The following ZNF12 variants were observed in gnomAD, a reference collection of about 807,000 sequenced individuals.
The protein encoded by ZNF12 is gonadotropin inducible transcription repressor 3.
In ZNF12, 34 loss-of-function variants were observed where a neutral mutation model predicts 66.6. The ratio of observed to expected loss-of-function variants is 0.51; its 90% CI spans 0.39 to 0.68. The LOEUF is 0.68. Ranked by LOEUF, ZNF12 falls within the 30% of genes least tolerant of loss-of-function variation. ZNF12 has a pLI of 0.00. For missense variants in ZNF12, 697 were observed against 826.9 expected (o/e 0.84, Z 1.93); for synonymous variants, 320 against 278.9 (o/e 1.15, Z -1.47).
At position 6,691,533 on chromosome 7, in the gene ZNF12, C is replaced by G; in HGVS notation, c.1409G>C (p.Cys470Ser). The G allele has an allele frequency of 6.2e-7, 1 of 1,614,126 alleles. No individual in the cohort carries two copies. The highest frequency in any genetic ancestry group is 8.5e-7 in the Non-Finnish European group (1 of 1,179,986). The part of the protein sequence containing the change: ...SGEKPYECNE[C>S]GKTFYLNSAL... ...TGAATTCAGGTAGAAGGTTTTTCCA[C>G]ATTCATTACATTCATAGGGTTTCTC... is the stretch of plus-strand genomic sequence containing the variant. The change falls in exon 5 of 5, where the codon TGT (cysteine) becomes TCT (serine). Residue 470 changes from cysteine (C) to serine (S), a missense_variant. This residue lies in a region of ZNF12 where 401 missense variants were observed against 519.0 expected (regional missense o/e 0.77). Coordinates refer to ENST00000405858, the MANE Select transcript of ZNF12 (RefSeq NM_016265.4).
chr7:6,701,327 TG>T (rs1043583994), intron 2 of ZNF12, among the ~76,000 whole-genome samples: 1 of 151,994 alleles, frequency 6.6e-6, no homozygotes, highest in African/African-American at 2.4e-5. Context: ...AGACAAATGA[TG>T]TTAGTGTCTA....
Position 6,692,742 on chromosome 7 carries a change from C to T in ZNF12, c.239-39G>A, listed in dbSNP as rs761835200. 2 of 1,504,954 alleles carry T rather than the reference C, an allele frequency of 1.3e-6. No individual in the cohort carries two copies. Among genetic ancestry groups the T allele is most frequent in the Non-Finnish European group, 1.8e-6 (2 of 1,125,450 alleles). 93.2% of individuals were successfully genotyped at this position (1,504,954 alleles called of 1,614,324 possible). A position where few individuals can be genotyped will look rare whatever the true frequency, so the allele number is the denominator to read the frequency against. Reference sequence around the variant, plus strand: ...AAATTAATAAACTTTTGTACATCTTCCTATATATATATGATATGGAATGAG... The same window carrying T: ...AAATTAATAAACTTTTGTACATCTTTCTATATATATATGATATGGAATGAG... On this transcript the variant is annotated intron_variant, in intron 4 of 4. Coordinates refer to ENST00000405858, the MANE Select transcript of ZNF12 (RefSeq NM_016265.4). This position sits in a 1 kb window ranked among gnomAD's most constrained non-coding sequence, Gnocchi z 5.1.
chr7:6,691,806 C>T lies in ZNF12; in HGVS notation c.1136G>A (p.Arg379Lys), dbSNP rs1378502673. Residue 379 changes from arginine to lysine, a missense_variant, in exon 5 of 5, where the codon AGA becomes AAA. Physicochemically the swap from Arg to Lys is conservative, Grantham distance 26. Coordinates refer to ENST00000405858, the MANE Select transcript of ZNF12 (RefSeq NM_016265.4). Reference protein sequence around the residue: ...TQHQRTHSGERPYVCHDCGKT... With the variant: ...TQHQRTHSGEKPYVCHDCGKT... ...CCCACAGTCATGACAAACATAAGGT[C>T]TCTCTCCTGAATGTGTTCTCTGATG... The T allele has an allele frequency of 1.9e-6, 3 of 1,613,786 alleles. 1 individual carries two copies. Among genetic ancestry groups the T allele is most frequent in the Admixed American group, 1.7e-5 (1 of 60,004 alleles).
At chr7:6,695,266 T>A (rs1445820318) in intron 4 of ZNF12, among the ~76,000 whole-genome samples, 1 of 152,220 alleles carries the variant, frequency 6.6e-6, no homozygotes, top group Non-Finnish European at 1.5e-5. Context: ...ATGGTCCTAT[T>A]TCCTATTTCC....
Position 6,697,135 on chromosome 7 carries a change from C to G in ZNF12, c.238+204G>C, listed in dbSNP as rs772398982. ...GAGAACAACAGAAGTGACTGGAATT[C>G]GATTCTTGGGAGTGGCAAGCACAGA... On this transcript the variant is annotated intron_variant, in intron 4 of 4. Transcript: ENST00000405858. The surrounding 1 kb of genome is among the most constrained non-coding windows in gnomAD (Gnocchi z 6.1). Among the ~76,000 whole-genome samples the G allele has an allele frequency of 6.6e-6, 1 of 152,034 alleles. No individual in the cohort carries two copies. The highest frequency in any genetic ancestry group is 6.6e-5 in the Admixed American group (1 of 15,262).
chr7:6,690,856 G>A lies in ZNF12; in HGVS notation c.2086C>T (p.Leu696Phe), dbSNP rs202102544. Residue 696 changes from leucine to phenylalanine, a missense_variant, in exon 5 of 5, where the codon CTT becomes TTT. Leu to Phe is a conservative substitution (Grantham distance 22, BLOSUM62 0). Coordinates refer to ENST00000405858, the MANE Select transcript of ZNF12 (RefSeq NM_016265.4). ...TAAAATGAGGTCTGACTTCAGAGAAGCCTTCCCACATCTATTACATTCATA... is the reference window on the plus strand; with the variant it reads ...TAAAATGAGGTCTGACTTCAGAGAAACCTTCCCACATCTATTACATTCATA... ...GNMNVIDVGR[L>F]L is the part of the protein sequence containing the mutation. 1.9e-4 allele frequency: 311 copies of A among 1,607,972 alleles called. 1 individual carries two copies. The highest frequency in any genetic ancestry group is 3.4e-4 in the Admixed American group (20 of 59,250).
chr7:6,700,195 A>C (rs371984705), intron 2 of ZNF12, among the ~76,000 whole-genome samples: 31 of 151,722 alleles, frequency 2.0e-4, no homozygotes, highest in Non-Finnish European at 3.8e-4. Flanking sequence ...TGAGGCAGGA[A>C]AATGGCGTGA....
At chr7:6,704,720 C>T (rs1444429717) in intron 2 of ZNF12, among the ~76,000 whole-genome samples, 1 of 109,794 alleles carries the variant, frequency 9.1e-6, no homozygotes, top group Non-Finnish European at 1.7e-5. Flanking sequence ...AGCCTGGTGA[C>T]AGAGCGCAAT....
chr7:6,703,739 C>A (rs558003764), intron 2 of ZNF12, among the ~76,000 whole-genome samples: 8 of 152,152 alleles, frequency 5.3e-5, no homozygotes, highest in African/African-American at 1.9e-4. Flanking sequence ...GGTACAGAGT[C>A]GTGAGCCAAG....
In ZNF12 at chr7:6,689,492, G is replaced by A. The variant is rs908467826; in HGVS notation, c.*1356C>T. On this transcript the variant is annotated 3_prime_UTR_variant, in exon 5 of 5. Coordinates refer to ENST00000405858, the MANE Select transcript of ZNF12 (RefSeq NM_016265.4). Reference sequence around the variant, plus strand: ...AACTGCTGGCAACGAGAAGGGGAGTGTCACTGGTTAAAACTAATCAGGATT... The same window carrying A: ...AACTGCTGGCAACGAGAAGGGGAGTATCACTGGTTAAAACTAATCAGGATT... The A allele has an allele frequency of 1.2e-4, 19 of 152,302 alleles. No individual in the cohort carries two copies. The highest frequency in any genetic ancestry group is 5.9e-4 in the Admixed American group (9 of 15,280). The allele number at this position is 152,302 out of a possible 1,614,324, so 9.4% of individuals were successfully genotyped here. A position where few individuals can be genotyped will look rare whatever the true frequency, so the allele number is the denominator to read the frequency against.
At chr7:6,700,161 T>TGTA (rs1780212467) in intron 2 of ZNF12, among the ~76,000 whole-genome samples, 2 of 151,596 alleles carry the variant, frequency 1.3e-5, no homozygotes, top group Admixed American at 1.3e-4. Context: ...GGCAGGCACC[T>TGTA]GTAGTCCCAG....
intron 2 of ZNF12, among the ~76,000 whole-genome samples, chr7:6,703,801 G>A (rs984045581): frequency 3.3e-5 from 5 of 152,196 alleles, no homozygotes; most frequent in Admixed American, 1.3e-4. Flanking sequence ...CAGGAAGCAG[G>A]CAAGAAGAGA....
At position 6,691,691 on chromosome 7, in the gene ZNF12, G is replaced by C. The variant is rs1259400262; in HGVS notation, c.1251C>G (p.Cys417Trp). ...KLYKCSECGK[C>W]FCRKSTLTTH... ...TCGTGAGAGTAGACTTGCGGCAGAA[G>C]CATTTCCCACATTCACTACACTTGT... Residue 417 changes from cysteine to tryptophan, a missense_variant, in exon 5 of 5, where the codon TGC (cysteine) becomes TGG (tryptophan). Cys to Trp is a radical substitution (Grantham distance 215). Transcript: ENST00000405858. 2 of 1,613,788 alleles carry C rather than the reference G, an allele frequency of 1.2e-6. No homozygotes were observed. The highest frequency in any genetic ancestry group is 1.7e-6 in the Non-Finnish European group (2 of 1,179,900).
intron 4 of ZNF12, among the ~76,000 whole-genome samples, chr7:6,694,457 C>T (rs1164098540): frequency 1.3e-5 from 2 of 152,182 alleles, no homozygotes; most frequent in Non-Finnish European, 2.9e-5. Flanking sequence ...TGACAGTCAT[C>T]TAACAAAAAT....
At chr7:6,701,866 A>G (rs1168799751) in intron 2 of ZNF12, among the ~76,000 whole-genome samples, 2 of 151,854 alleles carry the variant, frequency 1.3e-5, no homozygotes, top group Non-Finnish European at 2.9e-5. Flanking sequence ...CATCAAAACA[A>G]AACAAAATGA....
chr7:6,697,778 A>G lies in ZNF12; in HGVS notation c.49T>C (p.Phe17Leu). Residue 17 changes from phenylalanine to leucine, a missense_variant, in exon 3 of 5, where the codon TTC (phenylalanine) becomes CTC (leucine). Physicochemically the swap from Phe to Leu is conservative, Grantham distance 22. Coordinates refer to ENST00000405858, the MANE Select transcript of ZNF12 (RefSeq NM_016265.4). The surrounding 1 kb of genome is among the most constrained non-coding windows in gnomAD (Gnocchi z 6.1). ...PVSFKDVAVDFTQEEWQQLDP... is the reference protein window; with the variant it reads ...PVSFKDVAVDLTQEEWQQLDP... Reference sequence around the variant, plus strand: ...AGCTGCTGCCATTCCTCCTGGGTGAAGTCCACAGCCACGTCCTTGAATGAC... The same window carrying G: ...AGCTGCTGCCATTCCTCCTGGGTGAGGTCCACAGCCACGTCCTTGAATGAC... The G allele has an allele frequency of 6.2e-7, 1 of 1,614,206 alleles. No homozygotes were observed. The highest frequency in any genetic ancestry group is 8.5e-7 in the Non-Finnish European group (1 of 1,180,044).
rs1780341004 is a variant in ZNF12 at position 6,705,611 on chromosome 7, CG to C, written c.-50-389del. 6.6e-6 allele frequency among the ~76,000 whole-genome samples: 1 copy of C among 151,978 alleles called. No homozygotes were observed. The highest frequency in any genetic ancestry group is 1.5e-5 in the Non-Finnish European group (1 of 68,006). ...GCGGGCGCCTGTAACCCCAGCTACT[CG>C]GGAGGCTGAGGCAGGAGAATCGCTT... On this transcript the variant is annotated intron_variant, in intron 1 of 4. Transcript: ENST00000405858. The surrounding 1 kb of genome is among the most constrained non-coding windows in gnomAD (Gnocchi z 4.0).
Position 6,692,561 on chromosome 7 carries a change from AG to A in ZNF12, c.380del (p.Pro127LeufsTer7). On this transcript the variant is annotated frameshift_variant, in exon 5 of 5. Transcript: ENST00000405858. LOFTEE classifies it high-confidence loss of function. The surrounding 1 kb of genome is among the most constrained non-coding windows in gnomAD (Gnocchi z 5.1). ...TATAGGCTATTTTTCTTGAAGGAAC[AG>A]GGTTCGTTTCTACATCAAAAGTTTT... ...PGKTFDVETNPVPSRKIAYKN... is the reference protein window; with the variant it reads ...PGKTFDVETNXVPSRKIAYKN... The A allele has an allele frequency of 6.2e-7, 1 of 1,613,868 alleles. No individual in the cohort carries two copies. The highest frequency in any genetic ancestry group is 8.5e-7 in the Non-Finnish European group (1 of 1,179,848).
At chr7:6,706,009 G>C (rs1253032317) in intron 1 of ZNF12, among the ~76,000 whole-genome samples, 3 of 152,108 alleles carry the variant, frequency 2.0e-5, no homozygotes, top group African/African-American at 7.2e-5. Context: ...ACAAAACCTC[G>C]GACAAGTCAC....
Sources: gnomAD v4.1 joint callset for allele counts (sites outside exome capture counted in the v4.1 genomes callset) on GRCh38, gnomAD v4.1.1 for gene constraint, gnomAD v4.1.1 regional missense constraint, Gnocchi (gnomAD v3.1) non-coding constraint, MANE v1.5 for transcripts, NCBI Gene and HGNC (gene_info 2026-07-23, HGNC 2026-07-21) for gene names.